The following STRBP variants were observed in gnomAD, a reference collection of about 807,000 sequenced individuals.
The protein encoded by STRBP is spermatid perinuclear RNA binding protein, also known as spermatid perinuclear RNA-binding protein.
STRBP carries 13 observed loss-of-function variants against 80.1 expected under a neutral mutation model. The ratio of observed to expected loss-of-function variants is 0.16; its 90% CI spans 0.11 to 0.26. The LOEUF is 0.26. Among genes scored for constraint, STRBP ranks in the 10% least tolerant of loss-of-function variants. STRBP has a pLI of 1.00. For missense variants in STRBP, 485 were observed against 815.2 expected, an observed-to-expected ratio of 0.59 and a Z score of 4.93; for synonymous variants, 284 against 291.2, an observed-to-expected ratio of 0.98 and a Z score of 0.25.
intron 1 of STRBP, among the ~76,000 whole-genome samples, chr9:123,262,965 T>C (rs2041189348): frequency 6.6e-6 from 1 of 152,238 alleles, no homozygotes; most frequent in Non-Finnish European, 1.5e-5. Context: ...TACTTCTATT[T>C]TAACTGACAC....
intron 2 of STRBP, among the ~76,000 whole-genome samples, chr9:123,191,897 T>G (rs753871895): frequency 2.0e-5 from 3 of 152,174 alleles, no homozygotes; most frequent in Admixed American, 1.3e-4. Flanking sequence ...CTTTAAAAGA[T>G]CACTATGGTT....
In STRBP at chr9:123,121,908, A is replaced by ATG. The variant is rs1283297212; in HGVS notation, c.*3687_*3688dup. 6.4e-6 allele frequency: 1 copy of ATG among 157,012 alleles called. No homozygotes were observed. The highest frequency in any genetic ancestry group is 1.9e-4 in the East Asian group (1 of 5,344). 9.7% of individuals were successfully genotyped at this position (157,012 alleles called of 1,614,324 possible). On this transcript the variant is annotated 3_prime_UTR_variant, in exon 19 of 19. Transcript: ENST00000348403. ...ACTGAATTCTTACATTTAAACAGGT[A>ATG]TGTGTGTGTAATTTACATACGTGTT...
At chr9:123,220,096 G>A (rs1176033645) in intron 2 of STRBP, among the ~76,000 whole-genome samples, 1 of 152,198 alleles carries the variant, frequency 6.6e-6, no homozygotes, top group Admixed American at 6.5e-5. Context: ...TAAAAAATTA[G>A]AGATTCAGAT....
At chr9:123,163,802 AG>A (rs2037630096) in intron 6 of STRBP, among the ~76,000 whole-genome samples, 1 of 152,168 alleles carries the variant, frequency 6.6e-6, no homozygotes, top group Non-Finnish European at 1.5e-5. Context: ...TACCCTTGGT[AG>A]CAGAATCTCA....
chr9:123,118,927 T>C (rs769928151), downstream of STRBP, among the ~76,000 whole-genome samples: 2 of 152,226 alleles, frequency 1.3e-5, no homozygotes, highest in African/African-American at 2.4e-5. Flanking sequence ...AATTTCATCA[T>C]GTACCCATTT....
intron 2 of STRBP, among the ~76,000 whole-genome samples, chr9:123,192,493 G>A (rs137987037): frequency 5.3e-5 from 8 of 152,234 alleles, no homozygotes; most frequent in African/African-American, 1.2e-4. Context: ...ATAGTCCGTC[G>A]GGAGGCTGAA....
Position 123,160,422 on chromosome 9 carries a change from C to T in STRBP, c.668G>A (p.Arg223His). The change falls in exon 8 of 19, where the codon CGC becomes CAC. Residue 223 changes from arginine to histidine, a missense_variant. Arg to His is a conservative substitution (Grantham distance 29). Around this residue, in one of 3 missense-constraint regions of STRBP, gnomAD observed 377 missense variants for 616.1 expected, o/e 0.61. Transcript: ENST00000348403. ...NGLKSCVIVLRILRDLCNRVP... is the reference protein window; with the variant it reads ...NGLKSCVIVLHILRDLCNRVP... ...TCTGTTGCACAAATCACGCAGAATGCGGAGGACAATTACACATGATTTTAA... is the reference window on the plus strand; with the variant it reads ...TCTGTTGCACAAATCACGCAGAATGTGGAGGACAATTACACATGATTTTAA... 2.5e-6 allele frequency: 4 copies of T among 1,604,238 alleles called. No homozygotes were observed. The highest frequency in any genetic ancestry group is 2.2e-5 in the East Asian group (1 of 44,626).
intron 1 of STRBP, among the ~76,000 whole-genome samples, chr9:123,261,198 T>C (rs2041154033): frequency 6.6e-6 from 1 of 152,236 alleles, no homozygotes; most frequent in Non-Finnish European, 1.5e-5. Context: ...GATTCATTAC[T>C]ATCTCATAAT....
At chr9:123,144,528 A>T (rs912941131) in intron 13 of STRBP, among the ~76,000 whole-genome samples, 17 of 152,120 alleles carry the variant, frequency 1.1e-4, no homozygotes, top group African/African-American at 2.2e-4. Flanking sequence ...ACTTAGGGAA[A>T]TTTTTTTCAT....
chr9:123,257,336 TC>T (rs2041054796), intron 1 of STRBP, among the ~76,000 whole-genome samples: 1 of 152,028 alleles, frequency 6.6e-6, no homozygotes, highest in Non-Finnish European at 1.5e-5. Flanking sequence ...GCTCTATTAT[TC>T]CCCTCCACTA....
chr9:123,158,296 C>T (rs2037376483), intron 10 of STRBP, 36 bp downstream of exon 10: 2 of 1,599,418 alleles, frequency 1.3e-6, no homozygotes, highest in African/African-American at 1.3e-5. Context: ...TATGTTATTT[C>T]ACTAATAAGT....
chr9:123,260,148 G>A (rs1268078770), intron 1 of STRBP, among the ~76,000 whole-genome samples: 1 of 152,238 alleles, frequency 6.6e-6, no homozygotes, highest in Non-Finnish European at 1.5e-5. Context: ...TAGTATGTGT[G>A]TGCCAACTGG....
At chr9:123,118,732 C>A (rs1436911018), downstream of STRBP, among the ~76,000 whole-genome samples, 1 of 152,198 alleles carries the variant, frequency 6.6e-6, no homozygotes, top group South Asian at 2.1e-4. Flanking sequence ...TCCTTGTCTA[C>A]GTAACGCAGT....
intron 16 of STRBP, 45 bp from the exon 17 acceptor site, chr9:123,133,013 T>C (rs1447788984): frequency 6.2e-7 from 1 of 1,602,922 alleles, no homozygotes; most frequent in African/African-American, 1.3e-5. Flanking sequence ...ATAAGAACCA[T>C]TTTATTTCTT....
intron 6 of STRBP, among the ~76,000 whole-genome samples, chr9:123,169,436 G>A (rs2037914590): frequency 6.6e-6 from 1 of 152,126 alleles, no homozygotes; most frequent in South Asian, 2.1e-4. Context: ...CTCCCAAAGT[G>A]CTGGGATTAC....
At chr9:123,254,444 G>C (rs893221529) in intron 1 of STRBP, among the ~76,000 whole-genome samples, 22 of 132,296 alleles carry the variant, frequency 1.7e-4, no homozygotes, top group Non-Finnish European at 2.8e-4. Flanking sequence ...CTGATCACGT[G>C]AGACTCCGTC....
rs113813113 is a variant in STRBP, at chr9:123,111,445, C to T, written c.*85-1692G>A. ...AGAAAAAGAGTCTGACTCGCAAAAG[C>T]GGCAGAAATATTTAGGTTAGAGTCA... On this transcript the variant is annotated intron_variant and NMD_transcript_variant, in intron 3 of 3. Transcript: ENST00000471564. 8 of 296,600 alleles carry T rather than the reference C, an allele frequency of 2.7e-5. No homozygotes were observed. In the Admixed American group the frequency reaches 3.3e-4, roughly 12 times the overall value. 18.4% of individuals were successfully genotyped at this position (296,600 alleles called of 1,614,324 possible). A position where few individuals can be genotyped will look rare whatever the true frequency, so the allele number is the denominator to read the frequency against.
At position 123,136,051 on chromosome 9, in the gene STRBP, A is replaced by C. The variant is rs2036341696; in HGVS notation, c.1763T>G (p.Ile588Ser). Reference protein sequence around the residue: ...PNAANNKKKKIIPQAKGVVNT... With the variant: ...PNAANNKKKKSIPQAKGVVNT... The stretch of plus-strand genomic sequence containing the variant: ...AATGTTTACTCATACCTGAGGGATA[A>C]TCTTCTTTTTCTTATTATTTGCCGC... The change falls in exon 16 of 19, where the codon ATT (isoleucine) becomes AGT (serine). Residue 588 changes from isoleucine (I) to serine (S), a missense_variant. By Grantham distance (142) the Ile-to-Ser change is moderately radical. Around this residue, in one of 3 missense-constraint regions of STRBP, gnomAD observed 85 missense variants for 120.1 expected, o/e 0.71. Transcript: ENST00000348403. The surrounding 1 kb of genome is among the most constrained non-coding windows in gnomAD (Gnocchi z 4.2). The C allele has an allele frequency of 1.2e-6, 2 of 1,614,136 alleles. No homozygotes were observed. Among genetic ancestry groups the C allele is most frequent in the South Asian group, 2.2e-5 (2 of 91,080 alleles).
At chr9:123,209,584 A>T (rs902636502) in intron 2 of STRBP, among the ~76,000 whole-genome samples, 1 of 152,236 alleles carries the variant, frequency 6.6e-6, no homozygotes, top group African/African-American at 2.4e-5. Context: ...CAGAAACAAC[A>T]TGTAAAGAGG....
Sources: gnomAD v4.1 joint callset for allele counts (sites outside exome capture counted in the v4.1 genomes callset) on GRCh38, gnomAD v4.1.1 for gene constraint, gnomAD v4.1.1 regional missense constraint, Gnocchi (gnomAD v3.1) non-coding constraint, MANE v1.5 for transcripts, NCBI Gene and HGNC (gene_info 2026-07-23, HGNC 2026-07-21) for gene names.